Variants in CACNB2 observed in about 807,000 individuals in gnomAD.
The protein encoded by CACNB2 is voltage-dependent L-type calcium channel subunit beta-2.
In CACNB2, 42 loss-of-function variants were observed where a neutral mutation model predicts 73.3. The ratio of observed to expected loss-of-function variants is 0.57; its 90% CI spans 0.45 to 0.74. The LOEUF (loss-of-function observed/expected upper bound fraction) is 0.74. Ranked by LOEUF, CACNB2 falls within the 30% of genes least tolerant of loss-of-function variation. CACNB2 has a pLI of 0.00. For synonymous variants in CACNB2, 348 were observed against 310.3 expected (o/e 1.12, Z -1.28); for missense variants, 940 against 853.0 (o/e 1.10, Z -1.27).
chr10:18,192,134 C>A (rs572938075), intron 2 of CACNB2, among the ~76,000 whole-genome samples: 1 of 151,772 alleles, frequency 6.6e-6, no homozygotes, highest in Non-Finnish European at 1.5e-5. Context: ...GCAGAGGCAA[C>A]AAGAACAAGG....
At chr10:18,439,924 T>A (rs775428730) in intron 3 of CACNB2, among the ~76,000 whole-genome samples, 7 of 152,160 alleles carry the variant, frequency 4.6e-5, no homozygotes, top group Admixed American at 1.3e-4. Context: ...TGCAAATATA[T>A]ATGTAGATAA....
At chr10:18,499,635 A>AG (rs1308256130) in intron 4 of CACNB2, among the ~76,000 whole-genome samples, 2 of 136,312 alleles carry the variant, frequency 1.5e-5, no homozygotes, top group Admixed American at 7.5e-5. Flanking sequence ...AAAAAAAAAA[A>AG]AAAAGAACCT....
intron 2 of CACNB2, among the ~76,000 whole-genome samples, chr10:18,225,579 TCC>T (rs1588756584): frequency 1.0e-4 from 1 of 9,586 alleles, no homozygotes; most frequent in East Asian, 1.7e-3. Flanking sequence ...CCTCCCTCGC[TCC>T]TTCCTTCCTT....
chr10:18,157,606 C>A (rs1488266544), intron 2 of CACNB2, among the ~76,000 whole-genome samples: 3 of 152,160 alleles, frequency 2.0e-5, no homozygotes, highest in Non-Finnish European at 4.4e-5. Context: ...CCCCGTTTCA[C>A]AGATGAGAAA....
At chr10:18,406,572 G>C (rs1016955404) in intron 3 of CACNB2, among the ~76,000 whole-genome samples, 1 of 152,132 alleles carries the variant, frequency 6.6e-6, no homozygotes, top group African/African-American at 2.4e-5. Context: ...AATGCCTGAC[G>C]ATCTGTCACT....
chr10:18,374,957 C>T (rs576616756), intron 2 of CACNB2, among the ~76,000 whole-genome samples: 1 of 152,286 alleles, frequency 6.6e-6, no homozygotes, highest in South Asian at 2.1e-4. Context: ...AAGCAAAAGC[C>T]TGTGTCCCTA....
At chr10:18,400,406 G>A (rs957368807) in intron 2 of CACNB2, among the ~76,000 whole-genome samples, 1 of 152,172 alleles carries the variant, frequency 6.6e-6, no homozygotes, top group Non-Finnish European at 1.5e-5. Flanking sequence ...CCACGAGCCC[G>A]ATTACTATAG....
At position 18,542,834 on chromosome 10, in the gene CACNB2, G is replaced by C. The variant is rs1305707816; in HGVS notation, c.*3110G>C. On this transcript the variant is annotated 3_prime_UTR_variant, in exon 14 of 14. Transcript: ENST00000324631. ...TAACCTTAACCTACTCAGTTGTAGA[G>C]CCATTTTTGTAGTCAACCTAGAAAA... 6.6e-6 allele frequency: 1 copy of C among 151,192 alleles called. No homozygotes were observed. The highest frequency in any genetic ancestry group is 2.4e-5 in the African/African-American group (1 of 41,148). 9.4% of individuals were successfully genotyped at this position (151,192 alleles called of 1,614,324 possible). A position where few individuals can be genotyped will look rare whatever the true frequency, so the allele number is the denominator to read the frequency against.
chr10:18,531,001 C>A (rs554399043), intron 10 of CACNB2, among the ~76,000 whole-genome samples: 1 of 152,206 alleles, frequency 6.6e-6, no homozygotes, highest in East Asian at 1.9e-4. Flanking sequence ...TATACAGATT[C>A]TTTTTGCAAG....
At chr10:18,178,577 A>T (rs2033719354) in intron 2 of CACNB2, among the ~76,000 whole-genome samples, 1 of 152,098 alleles carries the variant, frequency 6.6e-6, no homozygotes, top group South Asian at 2.1e-4. Context: ...TCACACAAAG[A>T]TAGTGATTTG....
intron 3 of CACNB2, among the ~76,000 whole-genome samples, chr10:18,458,945 TG>T (rs1564572276): frequency 1.3e-5 from 2 of 150,884 alleles, no homozygotes; most frequent in African/African-American, 4.9e-5. Flanking sequence ...TTTGCATTTT[TG>T]TAGAGATGGG....
chr10:18,432,711 C>A (rs1230800660), intron 3 of CACNB2, among the ~76,000 whole-genome samples: 1 of 151,952 alleles, frequency 6.6e-6, no homozygotes, highest in Non-Finnish European at 1.5e-5. Flanking sequence ...TGGAGTGTAC[C>A]TGTAGTCCCA....
chr10:18,375,714 A>T (rs2042771867), intron 2 of CACNB2, among the ~76,000 whole-genome samples: 1 of 152,214 alleles, frequency 6.6e-6, no homozygotes, highest in Non-Finnish European at 1.5e-5. Flanking sequence ...TCTGAAGCCC[A>T]GAGAGCAAAT....
intron 3 of CACNB2, among the ~76,000 whole-genome samples, chr10:18,485,547 C>CCT: frequency 4.1e-5 from 6 of 148,042 alleles, no homozygotes; most frequent in Non-Finnish European, 8.9e-5. Context: ...TTCTATAGTC[C>CCT]CTCTCTCTCT....
At chr10:18,348,199 G>C (rs1472284921) in intron 2 of CACNB2, among the ~76,000 whole-genome samples, 3 of 152,170 alleles carry the variant, frequency 2.0e-5, no homozygotes, top group South Asian at 2.1e-4. Flanking sequence ...TGTACATTTT[G>C]AGAAATCATG....
In CACNB2 at chr10:18,407,736, T is replaced by C. The variant is rs1017832842; in HGVS notation, c.333+5693T>C. ...TCTCCATCTTTTTGTTGTACCTGAA[T>C]TTTTCTCAACTTCTAACCCATCTGC... On this transcript the variant is annotated intron_variant, in intron 3 of 13. Coordinates refer to ENST00000324631, the MANE Select transcript of CACNB2 (RefSeq NM_201596.3). Among the ~76,000 whole-genome samples the C allele has an allele frequency of 2.0e-5, 3 of 152,190 alleles. No homozygotes were observed. The East Asian group carries it at 5.8e-4, about 29-fold the overall frequency.
At chr10:18,402,096 A>G in intron 3 of CACNB2, 53 bp downstream of exon 3, 1 of 1,591,000 alleles carries the variant, frequency 6.3e-7, no homozygotes. Context: ...TGTGCCCCTG[A>G]TAGACCACCT....
intron 2 of CACNB2, among the ~76,000 whole-genome samples, chr10:18,205,375 G>C (rs1379113027): frequency 1.3e-5 from 2 of 152,130 alleles, no homozygotes; most frequent in East Asian, 3.9e-4. Flanking sequence ...TTAGCCCAGC[G>C]AGCACTCGTA....
At chr10:18,257,830 G>T (rs1043949358) in intron 2 of CACNB2, among the ~76,000 whole-genome samples, 1 of 152,134 alleles carries the variant, frequency 6.6e-6, no homozygotes, top group Non-Finnish European at 1.5e-5. Flanking sequence ...TGCAACCTCT[G>T]CCTCTCAGGT....
Sources: gnomAD v4.1 joint callset for allele counts (sites outside exome capture counted in the v4.1 genomes callset) on GRCh38, gnomAD v4.1.1 for gene constraint, MANE v1.5 for transcripts, NCBI Gene and HGNC (gene_info 2026-07-23, HGNC 2026-07-21) for gene names.